ARHGAP10: variants seen among roughly 807,000 people sequenced by gnomAD.
ARHGAP10 encodes Rho GTPase activating protein 10, also known as rho GTPase-activating protein 10.
In ARHGAP10, 87 loss-of-function variants were observed where a neutral mutation model predicts 108.6. The ratio of observed to expected loss-of-function variants is 0.80; its 90% CI spans 0.67 to 0.96. The LOEUF is 0.96. Ranked by LOEUF, ARHGAP10 falls within the 40% of genes least tolerant of loss-of-function variation. ARHGAP10 has a pLI of 0.00. For synonymous variants in ARHGAP10, 347 were observed against 341.1 expected, an observed-to-expected ratio of 1.02 and a Z score of -0.19; for missense variants, 939 against 954.5, an observed-to-expected ratio of 0.98 and a Z score of 0.21.
rs746169461 is a variant in ARHGAP10 at position 147,946,604 on chromosome 4, G to C, written c.1304-13G>C. 1 of 1,605,980 alleles carries C rather than the reference G, an allele frequency of 6.2e-7. No homozygotes were observed. The highest frequency in any genetic ancestry group is 2.2e-5 in the East Asian group (1 of 44,662). On this transcript the variant is annotated splice_polypyrimidine_tract_variant and intron_variant, in intron 14 of 22. Transcript: ENST00000336498. ...GGTTTTAATTATTTTTTTCTTGTTT[G>C]CTTGCTCACTAGATGTAAAAACATG...
At chr4:147,765,426 G>A (rs1729770734) in intron 1 of ARHGAP10, among the ~76,000 whole-genome samples, 1 of 151,254 alleles carries the variant, frequency 6.6e-6, no homozygotes, top group African/African-American at 2.4e-5. Context: ...TGTCTATTGT[G>A]TTACGTCTTC....
intron 7 of ARHGAP10, among the ~76,000 whole-genome samples, chr4:147,872,868 C>T (rs546131671): frequency 5.3e-5 from 8 of 152,318 alleles, no homozygotes; most frequent in African/African-American, 1.7e-4. Flanking sequence ...AGTAGATCCA[C>T]AAAGTTCAAG....
chr4:147,943,602 A>G (rs1411922009), intron 14 of ARHGAP10, among the ~76,000 whole-genome samples: 1 of 152,230 alleles, frequency 6.6e-6, no homozygotes, highest in Non-Finnish European at 1.5e-5. Flanking sequence ...ACATTCACCC[A>G]AATAAAAAGT....
intron 16 of ARHGAP10, among the ~76,000 whole-genome samples, chr4:147,964,418 G>A (rs1560848581): frequency 6.6e-6 from 1 of 152,088 alleles, no homozygotes; most frequent in Non-Finnish European, 1.5e-5. Flanking sequence ...GCTTCCCCAC[G>A]TGGCTGTGCA....
chr4:147,732,502 C>G (rs1200780759), intron 1 of ARHGAP10, 47 bp downstream of exon 1: 2 of 1,601,346 alleles, frequency 1.2e-6, no homozygotes, highest in Non-Finnish European at 1.7e-6. Flanking sequence ...GGCGAGGCGG[C>G]TGGGGGAGCC....
chr4:147,882,012 T>C (rs1735349036), intron 10 of ARHGAP10, 80 bp downstream of exon 10: 1 of 1,220,316 alleles, frequency 8.2e-7, no homozygotes, highest in South Asian at 1.3e-5. Context: ...TAGTTGCAAC[T>C]GTGATTTCTG....
At chr4:147,814,776 A>G (rs1435959081) in intron 1 of ARHGAP10, among the ~76,000 whole-genome samples, 1 of 152,154 alleles carries the variant, frequency 6.6e-6, no homozygotes, top group African/African-American at 2.4e-5. Flanking sequence ...TCTTCTTTTT[A>G]TAAGAACACA....
chr4:147,864,760 C>G, intron 5 of ARHGAP10, 86 bp from the exon 6 acceptor site: 2 of 1,157,866 alleles, frequency 1.7e-6, no homozygotes, highest in South Asian at 2.8e-5. Flanking sequence ...GTATTTTGGC[C>G]CATGGACCAC....
intron 13 of ARHGAP10, among the ~76,000 whole-genome samples, chr4:147,933,463 G>T (rs1259930774): frequency 6.7e-6 from 1 of 149,792 alleles, no homozygotes; most frequent in African/African-American, 2.5e-5. Flanking sequence ...CATCTACCCA[G>T]TCTGGCTTTG....
intron 19 of ARHGAP10, among the ~76,000 whole-genome samples, chr4:148,038,997 T>A (rs1226110029): frequency 6.6e-6 from 1 of 151,746 alleles, no homozygotes; most frequent in East Asian, 1.9e-4. Context: ...TCTCCCCACT[T>A]CCAATAAGAC....
chr4:147,797,194 A>T (rs912345200), intron 1 of ARHGAP10, among the ~76,000 whole-genome samples: 1 of 152,022 alleles, frequency 6.6e-6, no homozygotes, highest in Non-Finnish European at 1.5e-5. Context: ...CAATGTCCTC[A>T]AAGTTATTCA....
chr4:148,054,562 A>G (rs1187640812), intron 20 of ARHGAP10, among the ~76,000 whole-genome samples: 5 of 152,232 alleles, frequency 3.3e-5, no homozygotes, highest in Admixed American at 3.3e-4. Flanking sequence ...TAGCTCAGAG[A>G]GAGAACCTTT....
rs149097115 is a variant in ARHGAP10 at position 147,830,078 on chromosome 4, C to T, written c.312+7121C>T. On this transcript the variant is annotated intron_variant, in intron 3 of 22. Coordinates refer to ENST00000336498, the MANE Select transcript of ARHGAP10 (RefSeq NM_024605.4). Reference sequence around the variant, plus strand: ...GAGATGTGAGGAAGTGTCTTGTCCACGGCTGCACCCCTTTCCCCATTTGGG... The same window carrying T: ...GAGATGTGAGGAAGTGTCTTGTCCATGGCTGCACCCCTTTCCCCATTTGGG... Among the ~76,000 whole-genome samples, 839 of 152,356 alleles carry T rather than the reference C, an allele frequency of 5.5e-3. 3 individuals are homozygous for T. The highest frequency in any genetic ancestry group is 0.014 in the African/African-American group (572 of 41,582).
At chr4:147,823,167 C>T (rs754661947) in intron 3 of ARHGAP10, among the ~76,000 whole-genome samples, 21 of 152,170 alleles carry the variant, frequency 1.4e-4, no homozygotes, top group Non-Finnish European at 2.5e-4. Context: ...CTGGGCCTCT[C>T]GACCAAGGCC....
At chr4:147,787,929 T>C (rs1013379137) in intron 1 of ARHGAP10, among the ~76,000 whole-genome samples, 2 of 152,068 alleles carry the variant, frequency 1.3e-5, no homozygotes, top group Non-Finnish European at 2.9e-5. Context: ...GTACCTTTGA[T>C]AGGATTAGGA....
At position 147,904,694 on chromosome 4, in the gene ARHGAP10, G is replaced by A. The variant is rs557035732; in HGVS notation, c.1035-1944G>A. 4.3e-3 allele frequency among the ~76,000 whole-genome samples: 652 copies of A among 152,260 alleles called. 1 individual carries two copies. The highest frequency in any genetic ancestry group is 6.7e-3 in the Non-Finnish European group (459 of 68,034). Reference sequence around the variant, plus strand: ...GTGAATAGTGCCACAATAAACATACGTGTGCATGTGTCTTTATAGCAACAT... The same window carrying A: ...GTGAATAGTGCCACAATAAACATACATGTGCATGTGTCTTTATAGCAACAT... On this transcript the variant is annotated intron_variant, in intron 10 of 22. Coordinates refer to ENST00000336498, the MANE Select transcript of ARHGAP10 (RefSeq NM_024605.4).
chr4:147,965,222 C>G (rs1578739682), intron 17 of ARHGAP10, 93 bp downstream of exon 17: 2 of 831,040 alleles, frequency 2.4e-6, no homozygotes, highest in Non-Finnish European at 1.8e-6. Context: ...CTGGGGACCA[C>G]ACCTGGAAGG....
chr4:147,804,265 T>C (rs1426049476), intron 1 of ARHGAP10, among the ~76,000 whole-genome samples: 3 of 152,210 alleles, frequency 2.0e-5, no homozygotes, highest in Non-Finnish European at 4.4e-5. Flanking sequence ...TTTGGTTTTA[T>C]GTTCCTGCAT....
In ARHGAP10 at chr4:147,911,609, A is replaced by G. The variant is rs185363849; in HGVS notation, c.1163-1465A>G. 4.5e-3 allele frequency among the ~76,000 whole-genome samples: 667 copies of G among 149,000 alleles called. 3 individuals are homozygous for G. The highest frequency in any genetic ancestry group is 0.014 in the Middle Eastern group (4 of 294). ...GATCTCCTGACTTCGTGATCCGCCC[A>G]CCTTGGCCTCCCAAAGTGCTGGGAT... is the stretch of plus-strand genomic sequence containing the variant. On this transcript the variant is annotated intron_variant, in intron 12 of 22. Transcript: ENST00000336498.
Sources: allele counts gnomAD v4.1 joint callset (sites outside exome capture counted in the v4.1 genomes callset), GRCh38; gene constraint gnomAD v4.1.1; transcripts MANE v1.5; gene names NCBI Gene and HGNC (gene_info 2026-07-23, HGNC 2026-07-21).